Variants in ADGRE1 observed in about 807,000 individuals in gnomAD.
ADGRE1 encodes the protein EGF-like module receptor 1.
A neutral mutation model predicts 102.7 loss-of-function variants in ADGRE1; 82 were observed. That is an observed-to-expected ratio of 0.80 (90% CI 0.67 to 0.96). The LOEUF is 0.96. Ranked by LOEUF, ADGRE1 falls within the 40% of genes least tolerant of loss-of-function variation. ADGRE1 has a pLI of 0.00. For missense variants in ADGRE1, 1,032 were observed against 1,085.3 expected (o/e 0.95, Z 0.69); for synonymous variants, 398 against 399.6 (o/e 1.00, Z 0.05).
intron 11 of ADGRE1, among the ~76,000 whole-genome samples, chr19:6,914,658 A>C (rs1243471649): frequency 2.0e-5 from 3 of 152,246 alleles, no homozygotes; most frequent in Admixed American, 2.0e-4. Flanking sequence ...AATTAGCCTC[A>C]TGAATCTCAT....
intron 11 of ADGRE1, among the ~76,000 whole-genome samples, chr19:6,914,723 G>A (rs1391287963): frequency 6.6e-6 from 1 of 152,228 alleles, no homozygotes; most frequent in African/African-American, 2.4e-5. Flanking sequence ...ATACCAAATA[G>A]AGGTAGCACT....
At chr19:6,934,632 T>A (rs1219860946) in intron 17 of ADGRE1, among the ~76,000 whole-genome samples, 2 of 149,790 alleles carry the variant, frequency 1.3e-5, no homozygotes, top group African/African-American at 2.5e-5. Flanking sequence ...GGAGTCTCAC[T>A]CTGTTGCCAG....
intron 5 of ADGRE1, among the ~76,000 whole-genome samples, chr19:6,900,292 T>C (rs1229414902): frequency 7.1e-6 from 1 of 141,560 alleles, no homozygotes; most frequent in Admixed American, 7.2e-5. Flanking sequence ...CTGGGCAACA[T>C]AGTGAGACCC....
chr19:6,926,134 G>A (rs2144999191), intron 15 of ADGRE1, among the ~76,000 whole-genome samples: 1 of 152,324 alleles, frequency 6.6e-6, no homozygotes, highest in Middle Eastern at 3.4e-3. Context: ...AGAACTGAAA[G>A]TCATGCGTCT....
chr19:6,915,928 A>C (rs1174899360), intron 11 of ADGRE1, among the ~76,000 whole-genome samples: 1 of 147,348 alleles, frequency 6.8e-6, no homozygotes, highest in Non-Finnish European at 1.5e-5. Context: ...CTCAAAAAAA[A>C]AAAAAAAAAA....
At chr19:6,915,977 C>T (rs1379272616) in intron 11 of ADGRE1, among the ~76,000 whole-genome samples, 3 of 150,620 alleles carry the variant, frequency 2.0e-5, no homozygotes, top group Non-Finnish European at 4.4e-5. Context: ...TGTTGCCTTC[C>T]ATCACTGTTG....
chr19:6,939,974 T>G (rs1465191525), intron 20 of ADGRE1, 50 bp from the exon 21 acceptor site: 1 of 1,607,142 alleles, frequency 6.2e-7, no homozygotes, highest in Non-Finnish European at 8.5e-7. Flanking sequence ...GGAATCACGT[T>G]TGTATTAATT....
At chr19:6,905,094 G>C (rs4807110) in intron 8 of ADGRE1, among the ~76,000 whole-genome samples, 56,200 of 151,878 alleles carry the variant, frequency 0.37, 12,217 homozygotes, top group African/African-American at 0.6. Flanking sequence ...CCTATAAACA[G>C]CACTTTGGGA....
chr19:6,902,616 T>G (rs1973812104), intron 6 of ADGRE1, among the ~76,000 whole-genome samples: 1 of 152,086 alleles, frequency 6.6e-6, no homozygotes, highest in Non-Finnish European at 1.5e-5. Flanking sequence ...AATTTTTGTA[T>G]TTTTAGTAGA....
chr19:6,893,284 G>A (rs542274080), intron 2 of ADGRE1, among the ~76,000 whole-genome samples: 4 of 152,086 alleles, frequency 2.6e-5, no homozygotes, highest in East Asian at 3.9e-4. Context: ...CACAACCTCC[G>A]CCTCCCCAGT....
intron 15 of ADGRE1, 142 bp from the exon 16 acceptor site, chr19:6,926,224 T>C (rs756691337): frequency 1.5e-5 from 13 of 876,464 alleles, no homozygotes; most frequent in Non-Finnish European, 1.6e-5. Flanking sequence ...CAAGAACCAC[T>C]GCACCTCTCT....
intron 9 of ADGRE1, 71 bp downstream of exon 9, chr19:6,906,592 C>A: frequency 1.4e-6 from 2 of 1,422,138 alleles, no homozygotes; most frequent in Non-Finnish European, 2.0e-6. Context: ...GTTGTTTTTG[C>A]AGTTCTAACA....
chr19:6,893,714 A>G (rs1265667539), intron 2 of ADGRE1, among the ~76,000 whole-genome samples: 1 of 152,112 alleles, frequency 6.6e-6, no homozygotes, highest in Non-Finnish European at 1.5e-5. Context: ...TTATTTTCAC[A>G]TATGGGTATT....
At chr19:6,930,917 G>C (rs1975114644) in intron 17 of ADGRE1, among the ~76,000 whole-genome samples, 1 of 152,120 alleles carries the variant, frequency 6.6e-6, no homozygotes, top group Non-Finnish European at 1.5e-5. Context: ...GGGATTACAG[G>C]CATGAGCCAC....
rs536687957 is a variant in ADGRE1 at position 6,921,015 on chromosome 19, G to A, written c.1621-698G>A. Reference sequence around the variant, plus strand: ...AACACGTTGAATGAGGCTGGGTGTGGTGGCTCTTGCCTGTAATCCCAGCAC... The same window carrying A: ...AACACGTTGAATGAGGCTGGGTGTGATGGCTCTTGCCTGTAATCCCAGCAC... On this transcript the variant is annotated intron_variant, in intron 13 of 20. Transcript: ENST00000312053. 1.2e-4 allele frequency among the ~76,000 whole-genome samples: 18 copies of A among 152,316 alleles called. 2 individuals are homozygous for A. The South Asian group carries it at 3.5e-3, about 30-fold the overall frequency.
At position 6,919,767 on chromosome 19, in the gene ADGRE1, C is replaced by T; in HGVS notation, c.1620+20C>T. On this transcript the variant is annotated intron_variant, in intron 13 of 20. Transcript: ENST00000312053. ...ATTCAGGTTTGTGAAGAGGTCTCTA[C>T]TGAGATTCTTGTCTACCTGTTGGGA... 2 of 1,608,414 alleles carry T rather than the reference C, an allele frequency of 1.2e-6. No individual in the cohort carries two copies. The highest frequency in any genetic ancestry group is 1.7e-6 in the Non-Finnish European group (2 of 1,175,238).
In ADGRE1 at chr19:6,904,120, G is replaced by A; in HGVS notation, c.887G>A (p.Cys296Tyr). 6.2e-7 allele frequency: 1 copy of A among 1,614,196 alleles called. No homozygotes were observed. Among genetic ancestry groups the A allele is most frequent in the Non-Finnish European group, 8.5e-7 (1 of 1,180,040 alleles). The change falls in exon 8 of 21, where the codon TGC becomes TAC. Residue 296 changes from cysteine (C) to tyrosine (Y), a missense_variant. Transcript: ENST00000312053. ...GCCCTGGGCTCCTACAGCTGTGGCT[G>A]CATTGCAGGCTTTCATCCCAATCCA... ...TNALGSYSCG[C>Y]IAGFHPNPEG...
At chr19:6,939,929 T>G (rs968526733) in intron 20 of ADGRE1, 95 bp from the exon 21 acceptor site, 1 of 1,349,970 alleles carries the variant, frequency 7.4e-7, no homozygotes, top group African/African-American at 1.4e-5. Flanking sequence ...TGTTACTGTA[T>G]TTTTAATACT....
chr19:6,919,469 T>TGTGTGTGTGTGG (rs1974542499), intron 12 of ADGRE1, 79 bp from the exon 13 acceptor site: 1 of 796,006 alleles, frequency 1.3e-6, no homozygotes, highest in Non-Finnish European at 2.1e-6. Context: ...TGTGTGTGTG[T>TGTGTGTGTGTGG]GTGTGTGTGT....
Sources: allele counts gnomAD v4.1 joint callset (sites outside exome capture counted in the v4.1 genomes callset), GRCh38; gene constraint gnomAD v4.1.1; transcripts MANE v1.5; gene names NCBI Gene and HGNC (gene_info 2026-07-23, HGNC 2026-07-21).